KCTD8: variants seen among roughly 807,000 people sequenced by gnomAD.
KCTD8 encodes BTB/POZ domain-containing protein KCTD8.
A neutral mutation model predicts 31.5 loss-of-function variants in KCTD8; 27 were observed. That is an observed-to-expected ratio of 0.86 (90% confidence interval 0.63 to 1.18). The LOEUF (loss-of-function observed/expected upper bound fraction) is 1.18. KCTD8 is among the 50% of genes most tolerant of loss of function. The probability of loss-of-function intolerance (pLI) is 0.00; values close to 1 mark genes in which losing one functional copy is unlikely to be tolerated. For synonymous variants in KCTD8, 290 were observed against 280.0 expected (o/e 1.04, Z -0.36); for missense variants, 658 against 647.7 (o/e 1.02, Z -0.17).
intron 1 of KCTD8, among the ~76,000 whole-genome samples, chr4:44,218,888 C>T (rs74651587): frequency 0.035 from 5,368 of 152,208 alleles, 154 homozygotes; most frequent in Non-Finnish European, 0.046. Context: ...ATGACACTGA[C>T]TTTCGTAACA....
At chr4:44,337,551 G>A (rs1017537692) in intron 1 of KCTD8, among the ~76,000 whole-genome samples, 2 of 151,782 alleles carry the variant, frequency 1.3e-5, no homozygotes, top group African/African-American at 2.4e-5. Context: ...GTGTGTACCT[G>A]TAGTCCCAGC....
chr4:44,318,089 C>G (rs957433366), intron 1 of KCTD8, among the ~76,000 whole-genome samples: 1 of 152,184 alleles, frequency 6.6e-6, no homozygotes, highest in Non-Finnish European at 1.5e-5. Context: ...TATCTGGTAT[C>G]ATTTGCTCCA....
chr4:44,432,252 T>C (rs1721524891), intron 1 of KCTD8, among the ~76,000 whole-genome samples: 1 of 151,618 alleles, frequency 6.6e-6, no homozygotes, highest in Admixed American at 6.6e-5. Context: ...TCCAGTATCC[T>C]ACAACATAGA....
chr4:44,176,272 G>GCAGCC lies in KCTD8; in HGVS notation c.962-1027_962-1023dup, dbSNP rs755812897. Reference sequence around the variant, plus strand: ...AACAATTGCCCAGGGGTTCTATTGTGCAGCCAGAGTTGAGAACAACTGGTC... The same window carrying GCAGCC: ...AACAATTGCCCAGGGGTTCTATTGTGCAGCCCAGCCAGAGTTGAGAACAACTGGTC... On this transcript the variant is annotated intron_variant, in intron 1 of 1. Coordinates refer to ENST00000360029, the MANE Select transcript of KCTD8 (RefSeq NM_198353.3). 3.9e-5 allele frequency among the ~76,000 whole-genome samples: 6 copies of GCAGCC among 152,288 alleles called. No individual in the cohort carries two copies. The South Asian group carries it at 1.0e-3, about 26-fold the overall frequency.
chr4:44,305,280 C>T (rs1717768064), intron 1 of KCTD8, among the ~76,000 whole-genome samples: 1 of 150,996 alleles, frequency 6.6e-6, no homozygotes, highest in Non-Finnish European at 1.5e-5. Flanking sequence ...TATAAATAAT[C>T]TCTCCCCCTA....
intron 1 of KCTD8, among the ~76,000 whole-genome samples, chr4:44,371,595 A>G (rs1286539224): frequency 1.3e-5 from 2 of 152,222 alleles, no homozygotes; most frequent in African/African-American, 4.8e-5. Flanking sequence ...ATTAAATATT[A>G]AATGAAAAAA....
chr4:44,448,700 G>A lies in KCTD8; in HGVS notation c.-177C>T, dbSNP rs1340765768. The A allele has an allele frequency of 1.9e-6, 1 of 535,046 alleles. No individual in the cohort carries two copies. The highest frequency in any genetic ancestry group is 2.8e-6 in the Non-Finnish European group (1 of 351,632). 33.1% of individuals were successfully genotyped at this position (535,046 alleles called of 1,614,324 possible). A position where few individuals can be genotyped will look rare whatever the true frequency, so the allele number is the denominator to read the frequency against. On this transcript the variant is annotated 5_prime_UTR_variant, in exon 1 of 2. Coordinates refer to ENST00000360029, the MANE Select transcript of KCTD8 (RefSeq NM_198353.3). This position sits in a 1 kb window ranked among gnomAD's most constrained non-coding sequence, Gnocchi z 4.1. The stretch of plus-strand genomic sequence containing the variant: ...GGCAGCGGCGGCGTCGGCGGCGCCC[G>A]AGCTCCATCGGAGGAGAGACGCGCG...
chr4:44,413,712 GC>G lies in KCTD8; in HGVS notation c.961+33850del, dbSNP rs954452799. On this transcript the variant is annotated intron_variant, in intron 1 of 1. Coordinates refer to ENST00000360029, the MANE Select transcript of KCTD8 (RefSeq NM_198353.3). ...AGATGGTTGTAGTAGGCAGAATAAT[GC>G]CCCCCCAAAAGATGTTCACCCCCAA... is the stretch of plus-strand genomic sequence containing the variant. Among the ~76,000 whole-genome samples the G allele has an allele frequency of 1.1e-4, 17 of 151,978 alleles. 1 individual carries two copies. Among genetic ancestry groups the G allele is most frequent in the Admixed American group, 1.0e-3 (16 of 15,256 alleles).
chr4:44,439,446 T>C (rs1348384440), intron 1 of KCTD8, among the ~76,000 whole-genome samples: 1 of 152,190 alleles, frequency 6.6e-6, no homozygotes, highest in Non-Finnish European at 1.5e-5. Context: ...AAGTTTAATG[T>C]TGAATAAGCA....
At chr4:44,301,887 T>C (rs1403088700) in intron 1 of KCTD8, among the ~76,000 whole-genome samples, 2 of 152,206 alleles carry the variant, frequency 1.3e-5, no homozygotes, top group Non-Finnish European at 2.9e-5. Flanking sequence ...CTTGAATTAA[T>C]TTTTGTATAA....
intron 1 of KCTD8, among the ~76,000 whole-genome samples, chr4:44,372,756 G>A (rs528555696): frequency 6.6e-6 from 1 of 152,258 alleles, no homozygotes; most frequent in South Asian, 2.1e-4. Flanking sequence ...CTTAATTTAT[G>A]CTTATGCAAA....
intron 1 of KCTD8, among the ~76,000 whole-genome samples, chr4:44,280,914 C>T (rs1716888041): frequency 6.6e-6 from 1 of 151,960 alleles, no homozygotes; most frequent in Non-Finnish European, 1.5e-5. Flanking sequence ...GAAATGTGAG[C>T]TGGTATAGCT....
At chr4:44,425,466 G>A (rs774529684) in intron 1 of KCTD8, among the ~76,000 whole-genome samples, 13 of 151,884 alleles carry the variant, frequency 8.6e-5, no homozygotes, top group Non-Finnish European at 1.9e-4. Context: ...TTTCATTTTG[G>A]CTTGGAAACA....
intron 1 of KCTD8, among the ~76,000 whole-genome samples, chr4:44,408,963 C>T (rs1411955007): frequency 6.6e-6 from 1 of 151,688 alleles, no homozygotes; most frequent in Non-Finnish European, 1.5e-5. Flanking sequence ...AAGAATAAGG[C>T]TGGATGCTGT....
At chr4:44,278,570 T>C (rs369417685) in intron 1 of KCTD8, among the ~76,000 whole-genome samples, 4 of 152,070 alleles carry the variant, frequency 2.6e-5, no homozygotes, top group African/African-American at 9.7e-5. Flanking sequence ...AAAGAGCCAA[T>C]AGTCATTGAC....
intron 1 of KCTD8, among the ~76,000 whole-genome samples, chr4:44,266,062 G>A (rs1052453839): frequency 9.2e-5 from 14 of 152,088 alleles, no homozygotes; most frequent in Admixed American, 2.6e-4. Flanking sequence ...GATACTCCTC[G>A]AGAAGAGCAA....
At chr4:44,357,824 A>G (rs1472446429) in intron 1 of KCTD8, among the ~76,000 whole-genome samples, 1 of 151,924 alleles carries the variant, frequency 6.6e-6, no homozygotes, top group Non-Finnish European at 1.5e-5. Flanking sequence ...AATAAAAGGA[A>G]ACATGAACAT....
chr4:44,282,145 T>A (rs1185617061), intron 1 of KCTD8, among the ~76,000 whole-genome samples: 1 of 152,076 alleles, frequency 6.6e-6, no homozygotes, highest in East Asian at 1.9e-4. Context: ...TGTTTTTTTT[T>A]AAACATTGAA....
At chr4:44,289,600 T>C (rs768687409) in intron 1 of KCTD8, among the ~76,000 whole-genome samples, 1 of 152,032 alleles carries the variant, frequency 6.6e-6, no homozygotes, top group Non-Finnish European at 1.5e-5. Context: ...AGTGAAGAGA[T>C]GGTGAGGCAA....
Sources: allele counts gnomAD v4.1 joint callset (sites outside exome capture counted in the v4.1 genomes callset), GRCh38; gene constraint gnomAD v4.1.1; non-coding constraint Gnocchi (gnomAD v3.1); transcripts MANE v1.5; gene names NCBI Gene and HGNC (gene_info 2026-07-23, HGNC 2026-07-21).